Variants in SNX29 observed in about 807,000 individuals in gnomAD.
The protein encoded by SNX29 is sorting nexin-29.
In SNX29, 78 loss-of-function variants were observed where a neutral mutation model predicts 102.1. That is an observed-to-expected ratio of 0.76 (90% confidence interval 0.64 to 0.92). The LOEUF (loss-of-function observed/expected upper bound fraction) is 0.92. SNX29 is among the 40% of genes least tolerant of loss of function. SNX29 has a pLI of 0.00. For synonymous variants in SNX29, 580 were observed against 414.5 expected (o/e 1.40, Z -4.85); for missense variants, 1,280 against 1,061.7 (o/e 1.21, Z -2.86).
intron 20 of SNX29, among the ~76,000 whole-genome samples, chr16:12,537,860 TTA>T (rs1033304952): frequency 3.7e-4 from 57 of 152,182 alleles, no homozygotes; most frequent in African/African-American, 1.3e-3. Context: ...TGGCTCACGC[TTA>T]TAGTCCCAGC....
chr16:12,010,897 C>A (rs368661223), intron 3 of SNX29, among the ~76,000 whole-genome samples: 1 of 152,088 alleles, frequency 6.6e-6, no homozygotes, highest in Non-Finnish European at 1.5e-5. Context: ...AGAGGACTTA[C>A]GAAACGGAAT....
chr16:12,310,973 G>A (rs1365563974), intron 15 of SNX29, among the ~76,000 whole-genome samples: 1 of 152,234 alleles, frequency 6.6e-6, no homozygotes, highest in Non-Finnish European at 1.5e-5. Context: ...ACAGCTGTGG[G>A]AGAAGGGAAG....
At chr16:12,120,243 G>A (rs139991321) in intron 11 of SNX29, among the ~76,000 whole-genome samples, 2 of 152,328 alleles carry the variant, frequency 1.3e-5, no homozygotes, top group African/African-American at 4.8e-5. Context: ...GTCCATCCCT[G>A]TAGAGGAACA....
At chr16:12,467,907 C>G (rs2087135038) in intron 18 of SNX29, among the ~76,000 whole-genome samples, 1 of 152,150 alleles carries the variant, frequency 6.6e-6, no homozygotes, top group Admixed American at 6.5e-5. Context: ...TCGAGGCTGT[C>G]CAGGGACAGG....
intron 15 of SNX29, among the ~76,000 whole-genome samples, chr16:12,342,781 G>A (rs886349234): frequency 5.9e-5 from 9 of 152,182 alleles, no homozygotes; most frequent in African/African-American, 9.7e-5. Context: ...AATCCTGGCC[G>A]TCCAGCTCCA....
intron 19 of SNX29, among the ~76,000 whole-genome samples, chr16:12,487,777 G>C (rs2088322404): frequency 6.6e-6 from 1 of 152,164 alleles, no homozygotes; most frequent in Non-Finnish European, 1.5e-5. Context: ...ATTTGGGAGC[G>C]AAAAGCAGCT....
At chr16:12,549,154 T>C (rs1337798225) in intron 20 of SNX29, among the ~76,000 whole-genome samples, 2 of 151,922 alleles carry the variant, frequency 1.3e-5, no homozygotes, top group South Asian at 2.1e-4. Context: ...TTAGCAGTTA[T>C]CACATTTGCT....
intron 16 of SNX29, among the ~76,000 whole-genome samples, chr16:12,393,798 C>T (rs1003194864): frequency 3.9e-5 from 6 of 152,220 alleles, no homozygotes; most frequent in African/African-American, 1.4e-4. Flanking sequence ...CCATGAAGTC[C>T]TTGGCACATA....
intron 15 of SNX29, among the ~76,000 whole-genome samples, chr16:12,327,546 G>C (rs78014002): frequency 1.3e-5 from 2 of 152,134 alleles, no homozygotes; most frequent in South Asian, 2.1e-4. Context: ...ATTAACAGTC[G>C]TGTTGGGTTA....
intron 18 of SNX29, among the ~76,000 whole-genome samples, chr16:12,456,070 G>A (rs1008126504): frequency 5.9e-5 from 9 of 152,264 alleles, no homozygotes; most frequent in Non-Finnish European, 8.8e-5. Flanking sequence ...TCATTTGTTT[G>A]TTCATTCATT....
chr16:12,001,870 A>G (rs1441789175), intron 2 of SNX29, among the ~76,000 whole-genome samples: 1 of 152,038 alleles, frequency 6.6e-6, no homozygotes, highest in Non-Finnish European at 1.5e-5. Context: ...AATAAAAAAT[A>G]TCAGTTGGAC....
At chr16:12,196,725 A>G (rs376564615) in intron 13 of SNX29, among the ~76,000 whole-genome samples, 1 of 151,140 alleles carries the variant, frequency 6.6e-6, no homozygotes, top group Non-Finnish European at 1.5e-5. Flanking sequence ...GGTTCAAGCA[A>G]TTCTTCTGCC....
At chr16:12,384,680 T>G (rs1267154777) in intron 16 of SNX29, among the ~76,000 whole-genome samples, 1 of 152,236 alleles carries the variant, frequency 6.6e-6, no homozygotes, top group African/African-American at 2.4e-5. Flanking sequence ...TTTCTTCACT[T>G]TGCTCATTGT....
At chr16:12,372,899 C>T (rs535529449) in intron 16 of SNX29, 1 of 152,252 alleles carries the variant, frequency 6.6e-6, no homozygotes, top group South Asian at 2.1e-4. Flanking sequence ...TACACTCCTA[C>T]CTGCAGACAG....
intron 9 of SNX29, among the ~76,000 whole-genome samples, chr16:12,068,607 C>T (rs1179959599): frequency 2.0e-5 from 3 of 152,164 alleles, no homozygotes; most frequent in South Asian, 2.1e-4. Context: ...TGCAATGGCA[C>T]GATCTCGGCT....
chr16:12,542,963 G>C (rs1255382372), intron 20 of SNX29, among the ~76,000 whole-genome samples: 1 of 152,104 alleles, frequency 6.6e-6, no homozygotes, highest in Admixed American at 6.6e-5. Flanking sequence ...AAGCAGAAAA[G>C]AAGTACTTAC....
chr16:12,384,031 G>T (rs2083268875), intron 16 of SNX29, among the ~76,000 whole-genome samples: 1 of 152,122 alleles, frequency 6.6e-6, no homozygotes, highest in South Asian at 2.1e-4. Flanking sequence ...TTCCATCCAT[G>T]TTGTTGCAAA....
At chr16:12,046,764 C>T (rs1261352016) in intron 6 of SNX29, among the ~76,000 whole-genome samples, 3 of 152,142 alleles carry the variant, frequency 2.0e-5, no homozygotes, top group Non-Finnish European at 4.4e-5. Flanking sequence ...GGATTACGGG[C>T]GCCTGCCACC....
At chr16:12,171,256 C>A (rs989298656) in intron 13 of SNX29, among the ~76,000 whole-genome samples, 1 of 151,992 alleles carries the variant, frequency 6.6e-6, no homozygotes, top group African/African-American at 2.4e-5. Context: ...TGACTAAGAG[C>A]GCCAAATGGA....
Sources: allele counts gnomAD v4.1 joint callset (sites outside exome capture counted in the v4.1 genomes callset), GRCh38; gene constraint gnomAD v4.1.1; transcripts MANE v1.5; gene names NCBI Gene and HGNC (gene_info 2026-07-23, HGNC 2026-07-21).